Variants in RYR1 observed in about 807,000 individuals in gnomAD.
RYR1 encodes central core disease of muscle.
Under a neutral mutation model 583.5 loss-of-function variants are expected in RYR1, and 342 were observed. The observed-to-expected ratio is 0.59, with a 90% CI of 0.54 to 0.64. The LOEUF is 0.64. Among genes scored for constraint, RYR1 ranks in the 30% least tolerant of loss-of-function variants. The pLI is 0.00. For missense variants in RYR1, 6,032 were observed against 6,917.2 expected (o/e 0.87, Z 4.54); for synonymous variants, 2,791 against 2,822.5 (o/e 0.99, Z 0.35).
At chr19:38,493,502 T>A (rs1262184066) in intron 38 of RYR1, among the ~76,000 whole-genome samples, 9 of 149,776 alleles carry the variant, frequency 6.0e-5, no homozygotes, top group Admixed American at 4.6e-4. Flanking sequence ...TTAGATTTTT[T>A]CTTTTTCTTT....
At chr19:38,510,433 C>T in intron 58 of RYR1, 65 bp from the exon 59 acceptor site, 1 of 1,533,022 alleles carries the variant, frequency 6.5e-7, no homozygotes, top group South Asian at 1.1e-5. Context: ...AGCATCCTTC[C>T]CATCAGAACA....
In RYR1 at chr19:38,458,162, C is replaced by G; in HGVS notation, c.2037C>G (p.Thr679=). The G allele has an allele frequency of 6.2e-7, 1 of 1,613,976 alleles. No individual in the cohort carries two copies. Among genetic ancestry groups the G allele is most frequent in the Non-Finnish European group, 8.5e-7 (1 of 1,180,012 alleles). The part of the protein sequence containing the change: ...EVTPFLTAQA[T]HLRVGWALTE... Reference sequence around the variant, plus strand: ...CTCCATTTCTGACAGCTCAGGCCACCCACTTGCGGGTGGGCTGGGCCCTCA... The same window carrying G: ...CTCCATTTCTGACAGCTCAGGCCACGCACTTGCGGGTGGGCTGGGCCCTCA... The change falls in exon 18 of 106, where the codon ACC becomes ACG. Residue 679 remains threonine (T), a synonymous_variant. Transcript: ENST00000359596.
intron 93 of RYR1, among the ~76,000 whole-genome samples, chr19:38,568,841 A>T (rs1973572972): frequency 6.6e-6 from 1 of 151,938 alleles, no homozygotes. Context: ...AGAATGAGGG[A>T]TGGAGGGAAA....
At chr19:38,504,650 G>A in intron 50 of RYR1, 98 bp from the exon 51 acceptor site, 1 of 1,517,280 alleles carries the variant, frequency 6.6e-7, no homozygotes, top group Non-Finnish European at 9.1e-7. Flanking sequence ...TTGGGGTTCA[G>A]GGAGGAGGGC....
rs200280451 is a variant in RYR1 at position 38,583,541 on chromosome 19, AC to A, written c.14647-1397del. 0.021 allele frequency among the ~76,000 whole-genome samples: 3,067 copies of A among 149,324 alleles called. 44 individuals are homozygous for A. Among genetic ancestry groups the A allele is most frequent in the Middle Eastern group, 0.042 (12 of 288 alleles). ...GCCAGGTAGACCATGCTCCCTCCCC[AC>A]CCCCACTCAGACCCTTCTTGTGGCT... is the stretch of plus-strand genomic sequence containing the variant. On this transcript the variant is annotated intron_variant, in intron 101 of 105. Transcript: ENST00000359596.
At chr19:38,547,965 G>T (rs1331952948) in intron 88 of RYR1, among the ~76,000 whole-genome samples, 3 of 152,084 alleles carry the variant, frequency 2.0e-5, no homozygotes, top group Non-Finnish European at 4.4e-5. Flanking sequence ...CACCCACCTC[G>T]GTCTCCCAAA....
rs1030955858 is a variant in RYR1, at chr19:38,483,341, G to A, written c.4759G>A (p.Ala1587Thr). Residue 1587 changes from alanine (A) to threonine (T), a missense_variant, in exon 33 of 106, where the codon GCC becomes ACC. Physicochemically the swap from Ala to Thr is moderately conservative, Grantham distance 58. Coordinates refer to ENST00000359596, the MANE Select transcript of RYR1 (RefSeq NM_000540.3). The surrounding 1 kb of genome is among the most constrained non-coding windows in gnomAD (Gnocchi z 6.3). ...AMFQSERKNP[A>T]PQCPPRLEMQ... is the part of the protein sequence containing the mutation. ...GTTCCAAAGCGAGCGCAAGAACCCG[G>A]CCCCGCAGTGCCCACCGCGGCTGGA... 2.5e-5 allele frequency: 39 copies of A among 1,559,948 alleles called. No individual in the cohort carries two copies. Among genetic ancestry groups the A allele is most frequent in the Non-Finnish European group, 3.1e-5 (36 of 1,152,152 alleles).
At chr19:38,521,755 G>A (rs1280530872) in intron 67 of RYR1, among the ~76,000 whole-genome samples, 1 of 146,124 alleles carries the variant, frequency 6.8e-6, no homozygotes, top group Non-Finnish European at 1.5e-5. Flanking sequence ...CGCCCAGGCT[G>A]GGGTGCAGTG....
chr19:38,580,069 G>A lies in RYR1; in HGVS notation c.14452G>A (p.Ala4818Thr), dbSNP rs1442308910. ...FFFAAHLLDI[A>T]MGVKTLRTIL... ...CTTTGCTGCCCATCTCCTGGACATCGCCATGGGGGTCAAGACGCTGCGCAC... is the reference window on the plus strand; with the variant it reads ...CTTTGCTGCCCATCTCCTGGACATCACCATGGGGGTCAAGACGCTGCGCAC... Residue 4818 changes from alanine to threonine, a missense_variant, in exon 100 of 106, where the codon GCC (alanine) becomes ACC (threonine). This residue lies in a region of RYR1 where 189 missense variants were observed against 350.3 expected (regional missense o/e 0.54). Coordinates refer to ENST00000359596, the MANE Select transcript of RYR1 (RefSeq NM_000540.3). 1.9e-6 allele frequency: 3 copies of A among 1,614,014 alleles called. No homozygotes were observed. Among genetic ancestry groups the A allele is most frequent in the Non-Finnish European group, 2.5e-6 (3 of 1,180,040 alleles).
At chr19:38,527,589 C>T in intron 72 of RYR1, 58 bp from the exon 73 acceptor site, 4 of 1,607,652 alleles carry the variant, frequency 2.5e-6, no homozygotes, top group African/African-American at 2.7e-5. Flanking sequence ...AAGGGGACAT[C>T]CGGCGGACAC....
At position 38,467,606 on chromosome 19, in the gene RYR1, A is replaced by G. The variant is rs1968175678; in HGVS notation, c.3179-4A>G. 6.2e-7 allele frequency: 1 copy of G among 1,614,120 alleles called. No individual in the cohort carries two copies. The highest frequency in any genetic ancestry group is 1.1e-5 in the South Asian group (1 of 91,084). ...TCTCTGACTCTGCCTGGCCTCATTT[A>G]TAGGTCAGGTGGAGAACCAGTCTCG... is the stretch of plus-strand genomic sequence containing the variant. On this transcript the variant is annotated splice_region_variant and splice_polypyrimidine_tract_variant and intron_variant, in intron 24 of 105. Coordinates refer to ENST00000359596, the MANE Select transcript of RYR1 (RefSeq NM_000540.3).
At chr19:38,582,998 C>T (rs866663641) in intron 101 of RYR1, among the ~76,000 whole-genome samples, 4 of 151,930 alleles carry the variant, frequency 2.6e-5, no homozygotes, top group South Asian at 2.1e-4. Flanking sequence ...CCTGGGGACA[C>T]GGAAAGAACA....
Position 38,561,348 on chromosome 19 carries a change from T to C in RYR1, c.12518T>C (p.Phe4173Ser), listed in dbSNP as rs1419824572. The C allele has an allele frequency of 3.1e-6, 5 of 1,613,918 alleles. No individual in the cohort carries two copies. Among genetic ancestry groups the C allele is most frequent in the Non-Finnish European group, 4.2e-6 (5 of 1,180,024 alleles). ...LELAESILEY[F>S]RPYLGRIEIM... Reference sequence around the variant, plus strand: ...CTGGCCGAGAGCATCCTTGAGTACTTCCGCCCCTACCTGGGCCGCATCGAG... The same window carrying C: ...CTGGCCGAGAGCATCCTTGAGTACTCCCGCCCCTACCTGGGCCGCATCGAG... Residue 4173 changes from phenylalanine to serine, a missense_variant, in exon 90 of 106, where the codon TTC becomes TCC. Around this residue, in one of 11 missense-constraint regions of RYR1, gnomAD observed 753 missense variants for 759.6 expected, o/e 0.99. Transcript: ENST00000359596. This position sits in a 1 kb window ranked among gnomAD's most constrained non-coding sequence, Gnocchi z 4.8.
In RYR1 at chr19:38,500,070, G is replaced by C; in HGVS notation, c.7323+54G>C. On this transcript the variant is annotated intron_variant, in intron 45 of 105. Coordinates refer to ENST00000359596, the MANE Select transcript of RYR1 (RefSeq NM_000540.3). The surrounding 1 kb of genome is among the most constrained non-coding windows in gnomAD (Gnocchi z 5.9). Reference sequence around the variant, plus strand: ...AAGGGAGGGCAGGCACAGCCGCTTTGAACGCCTCATGCAGGCACTCGGTGA... The same window carrying C: ...AAGGGAGGGCAGGCACAGCCGCTTTCAACGCCTCATGCAGGCACTCGGTGA... The C allele has an allele frequency of 6.6e-7, 1 of 1,511,960 alleles. No homozygotes were observed. Among genetic ancestry groups the C allele is most frequent in the Non-Finnish European group, 9.2e-7 (1 of 1,090,702 alleles). The allele number at this position is 1,511,960 out of a possible 1,614,324, so 93.7% of individuals were successfully genotyped here. A position where few individuals can be genotyped will look rare whatever the true frequency, so the allele number is the denominator to read the frequency against.
chr19:38,558,481 ACC>A (rs1159239096), intron 89 of RYR1, among the ~76,000 whole-genome samples: 4 of 152,192 alleles, frequency 2.6e-5, no homozygotes, highest in Non-Finnish European at 5.9e-5. Context: ...ACTACTATGT[ACC>A]CACAAAAATG....
chr19:38,564,580 C>T (rs538510507), intron 90 of RYR1, among the ~76,000 whole-genome samples: 5 of 151,612 alleles, frequency 3.3e-5, no homozygotes, highest in Middle Eastern at 3.4e-3. Context: ...TGCAGTGGCA[C>T]GATCACAGCT....
Position 38,441,411 on chromosome 19 carries a change from G to C in RYR1, c.165+547G>C, listed in dbSNP as rs1972677244. Among the ~76,000 whole-genome samples the C allele has an allele frequency of 2.0e-5, 3 of 151,492 alleles. No homozygotes were observed. The South Asian group carries it at 6.3e-4, about 32-fold the overall frequency. On this transcript the variant is annotated intron_variant, in intron 2 of 105. Transcript: ENST00000359596. ...GGAAGGAGGCCCTCGGCGGGGGCGG[G>C]GGAGGATGGGACAGGGCCTGAGATG... is the stretch of plus-strand genomic sequence containing the variant.
At chr19:38,445,505 C>T (rs1188201793) in intron 7 of RYR1, among the ~76,000 whole-genome samples, 1 of 152,122 alleles carries the variant, frequency 6.6e-6, no homozygotes, top group African/African-American at 2.4e-5. Context: ...GAGTCCTAAA[C>T]CAGACCCACG....
Position 38,561,585 on chromosome 19 carries a change from GC to G in RYR1, c.12624+134del. ...ATCTGCCCTGCTCCGGCAAGCCCAC[GC>G]CCACCCTTTTGTACACATTTCGTCC... is the stretch of plus-strand genomic sequence containing the variant. On this transcript the variant is annotated intron_variant, in intron 90 of 105. Transcript: ENST00000359596. The surrounding 1 kb of genome is among the most constrained non-coding windows in gnomAD (Gnocchi z 4.8). The G allele has an allele frequency of 1.1e-6, 1 of 885,436 alleles. No homozygotes were observed. Among genetic ancestry groups the G allele is most frequent in the Non-Finnish European group, 1.7e-6 (1 of 584,452 alleles). 54.8% of individuals were successfully genotyped at this position (885,436 alleles called of 1,614,324 possible). A position where few individuals can be genotyped will look rare whatever the true frequency, so the allele number is the denominator to read the frequency against.
Sources: allele counts gnomAD v4.1 joint callset (sites outside exome capture counted in the v4.1 genomes callset), GRCh38; gene constraint gnomAD v4.1.1; regional missense constraint gnomAD v4.1.1; non-coding constraint Gnocchi (gnomAD v3.1); transcripts MANE v1.5; gene names NCBI Gene and HGNC (gene_info 2026-07-23, HGNC 2026-07-21).